GPC5: variants seen among roughly 807,000 people sequenced by gnomAD.
GPC5 encodes the protein glypican-5.
A neutral mutation model predicts 53.9 loss-of-function variants in GPC5; 47 were observed. The observed-to-expected ratio is 0.87, with a 90% confidence interval of 0.69 to 1.11. The LOEUF (loss-of-function observed/expected upper bound fraction) is 1.11, where lower values mean the gene tolerates loss of function less well. Among genes scored for constraint, GPC5 ranks in the 50% most tolerant of loss-of-function variants. The pLI is 0.00. For synonymous variants in GPC5, 286 were observed against 263.3 expected (o/e 1.09, Z -0.84); for missense variants, 748 against 713.1 (o/e 1.05, Z -0.56).
intron 7 of GPC5, among the ~76,000 whole-genome samples, chr13:92,756,801 A>G (rs1365751770): frequency 1.3e-5 from 2 of 150,442 alleles, no homozygotes; most frequent in Admixed American, 1.3e-4. Flanking sequence ...TTCAAGGAGA[A>G]CTACAAATCA....
intron 7 of GPC5, chr13:92,509,622 C>T (rs1018695967): frequency 1.3e-5 from 2 of 152,148 alleles, no homozygotes; most frequent in Admixed American, 6.5e-5. Context: ...TTGGAATTCT[C>T]CCTTCAGAGA....
chr13:92,592,442 T>C (rs890054161), intron 7 of GPC5, among the ~76,000 whole-genome samples: 5 of 151,388 alleles, frequency 3.3e-5, no homozygotes, highest in African/African-American at 9.7e-5. Context: ...ACCCTTCTTA[T>C]ATTCAAGAAA....
At chr13:91,869,541 A>C (rs1394999059) in intron 5 of GPC5, among the ~76,000 whole-genome samples, 1 of 152,100 alleles carries the variant, frequency 6.6e-6, no homozygotes, top group East Asian at 1.9e-4. Context: ...CTATTCTTTG[A>C]GTAACTTATA....
At chr13:92,756,115 CA>C (rs1874850472) in intron 7 of GPC5, among the ~76,000 whole-genome samples, 1 of 151,612 alleles carries the variant, frequency 6.6e-6, no homozygotes, top group South Asian at 2.1e-4. Flanking sequence ...AGCAGCACAT[CA>C]AAAAGCTTAT....
intron 5 of GPC5, among the ~76,000 whole-genome samples, chr13:91,824,425 A>G (rs995258595): frequency 6.6e-6 from 1 of 152,080 alleles, no homozygotes; most frequent in Non-Finnish European, 1.5e-5. Context: ...TAAATGGCTC[A>G]GTATTCATTG....
At chr13:92,517,864 C>G (rs150053582) in intron 7 of GPC5, among the ~76,000 whole-genome samples, 7 of 151,914 alleles carry the variant, frequency 4.6e-5, no homozygotes, top group African/African-American at 1.7e-4. Context: ...AGTCTTCAGA[C>G]GATCCAACTT....
chr13:92,572,825 T>G (rs1202136877), intron 7 of GPC5, among the ~76,000 whole-genome samples: 1 of 152,100 alleles, frequency 6.6e-6, no homozygotes, highest in African/African-American at 2.4e-5. Context: ...ACTCAACCAT[T>G]TTACTAGGGG....
chr13:92,300,085 C>T (rs1359710468), intron 7 of GPC5, among the ~76,000 whole-genome samples: 2 of 152,144 alleles, frequency 1.3e-5, no homozygotes. Flanking sequence ...TTAGAAACCA[C>T]ATAAAGTTGA....
At chr13:91,741,160 G>C (rs563354115) in intron 4 of GPC5, among the ~76,000 whole-genome samples, 1 of 152,226 alleles carries the variant, frequency 6.6e-6, no homozygotes, top group African/African-American at 2.4e-5. Context: ...TCAAGGTGGG[G>C]AATGCAGAAT....
chr13:92,143,937 T>C (rs1408185273), intron 6 of GPC5, among the ~76,000 whole-genome samples: 1 of 152,154 alleles, frequency 6.6e-6, no homozygotes, highest in African/African-American at 2.4e-5. Context: ...TCAGCAGTTG[T>C]ACATTTTTTT....
At position 92,260,474 on chromosome 13, in the gene GPC5, C is replaced by T. The variant is rs528905852; in HGVS notation, c.1561+115485C>T. Among the ~76,000 whole-genome samples, 191 of 152,240 alleles carry T rather than the reference C, an allele frequency of 1.3e-3. 1 individual carries two copies. The highest frequency in any genetic ancestry group is 4.4e-3 in the African/African-American group (183 of 41,540). ...AGTTAAGAACACTGTTCTGTAGATCCGCATCAGGCCCGGCTCCTTGAGGCA... is the reference window on the plus strand; with the variant it reads ...AGTTAAGAACACTGTTCTGTAGATCTGCATCAGGCCCGGCTCCTTGAGGCA... On this transcript the variant is annotated intron_variant, in intron 7 of 7. Transcript: ENST00000377067.
chr13:92,471,817 G>A (rs1878925039), intron 7 of GPC5, among the ~76,000 whole-genome samples: 1 of 152,068 alleles, frequency 6.6e-6, no homozygotes, highest in African/African-American at 2.4e-5. Flanking sequence ...AGAAGCTCAG[G>A]CATTTGCATG....
chr13:92,653,195 T>C (rs1318253288), intron 7 of GPC5, among the ~76,000 whole-genome samples: 1 of 152,200 alleles, frequency 6.6e-6, no homozygotes, highest in Non-Finnish European at 1.5e-5. Context: ...AGGGTGAATA[T>C]GACCCAGAGC....
intron 7 of GPC5, among the ~76,000 whole-genome samples, chr13:92,507,791 A>G (rs1454529950): frequency 1.3e-5 from 2 of 152,188 alleles, no homozygotes; most frequent in African/African-American, 4.8e-5. Flanking sequence ...TATATCCTGC[A>G]CAAGTGAAAA....
At chr13:91,786,818 T>G (rs560244) in intron 5 of GPC5, among the ~76,000 whole-genome samples, 55,112 of 152,000 alleles carry the variant, frequency 0.36, 11,676 homozygotes, top group African/African-American at 0.59. Context: ...AACAATATTG[T>G]ATCTTTCAAT....
chr13:92,376,889 G>A (rs2043699016), intron 7 of GPC5, among the ~76,000 whole-genome samples: 1 of 152,052 alleles, frequency 6.6e-6, no homozygotes, highest in South Asian at 2.1e-4. Context: ...GGTGGCACAT[G>A]CCTGTAATCC....
At chr13:92,041,956 G>A (rs1481039676) in intron 6 of GPC5, among the ~76,000 whole-genome samples, 1 of 152,172 alleles carries the variant, frequency 6.6e-6, no homozygotes, top group Non-Finnish European at 1.5e-5. Context: ...GTGTCTTCAA[G>A]GTTTTCCTCC....
chr13:91,680,916 T>G (rs2035493485), intron 2 of GPC5, among the ~76,000 whole-genome samples: 1 of 152,210 alleles, frequency 6.6e-6, no homozygotes, highest in African/African-American at 2.4e-5. Flanking sequence ...CAGTTCTGTT[T>G]TTTACAAAAC....
At chr13:91,563,922 C>T (rs1375128274) in intron 2 of GPC5, among the ~76,000 whole-genome samples, 32 of 152,118 alleles carry the variant, frequency 2.1e-4, no homozygotes, top group Non-Finnish European at 7.4e-5. Flanking sequence ...CAGCTGGATT[C>T]TCTCATCATG....
Sources: gnomAD v4.1 joint callset for allele counts (sites outside exome capture counted in the v4.1 genomes callset) on GRCh38, gnomAD v4.1.1 for gene constraint, MANE v1.5 for transcripts, NCBI Gene and HGNC (gene_info 2026-07-23, HGNC 2026-07-21) for gene names.